The following EPC2 variants were observed in gnomAD, a reference collection of about 807,000 sequenced individuals.
EPC2 encodes enhancer of polycomb 2.
Under a neutral mutation model 92.1 loss-of-function variants are expected in EPC2, and 14 were observed. The observed-to-expected ratio is 0.15, with a 90% confidence interval of 0.10 to 0.24. The LOEUF is 0.24. EPC2 is among the 10% of genes least tolerant of loss of function. The probability of loss-of-function intolerance (pLI) is 1.00; values close to 1 mark genes in which losing one functional copy is unlikely to be tolerated. For missense variants in EPC2, 755 were observed against 971.5 expected, an observed-to-expected ratio of 0.78 and a Z score of 2.96; for synonymous variants, 340 against 334.7, an observed-to-expected ratio of 1.02 and a Z score of -0.17.
intron 1 of EPC2, among the ~76,000 whole-genome samples, chr2:148,666,991 T>C (rs1305450728): frequency 2.0e-5 from 3 of 152,064 alleles, no homozygotes; most frequent in African/African-American, 7.2e-5. Flanking sequence ...GTGCCAACTA[T>C]GTAAATGAAA....
intron 1 of EPC2, among the ~76,000 whole-genome samples, chr2:148,664,075 G>A (rs1427832316): frequency 6.6e-6 from 1 of 152,048 alleles, no homozygotes; most frequent in South Asian, 2.1e-4. Flanking sequence ...CCCCAAAAGA[G>A]GAGTCTCTTA....
chr2:148,772,432 C>A (rs1462386739), intron 10 of EPC2, among the ~76,000 whole-genome samples: 1 of 152,058 alleles, frequency 6.6e-6, no homozygotes, highest in African/African-American at 2.4e-5. Flanking sequence ...ATGATGCATT[C>A]TAGGATGTGA....
chr2:148,736,734 A>G (rs1298843978), intron 2 of EPC2, among the ~76,000 whole-genome samples: 3 of 152,016 alleles, frequency 2.0e-5, no homozygotes, highest in African/African-American at 7.3e-5. Flanking sequence ...GCATTTGCAT[A>G]ATCCCCATGT....
chr2:148,669,383 G>A (rs1681111987), intron 1 of EPC2, among the ~76,000 whole-genome samples: 2 of 152,160 alleles, frequency 1.3e-5, no homozygotes, highest in Admixed American at 6.5e-5. Flanking sequence ...ATGCGGTTAA[G>A]TTACTTGTAA....
chr2:148,645,826 G>C lies in EPC2; in HGVS notation c.153+656G>C, dbSNP rs557527513. ...GGCGCGGGGCGGACGGGCTCTGCCT[G>C]CTCCGCCTGGACGGCCGTGCTCCGT... On this transcript the variant is annotated intron_variant, in intron 1 of 13. Transcript: ENST00000258484. Among the ~76,000 whole-genome samples, 49 of 152,306 alleles carry C rather than the reference G, an allele frequency of 3.2e-4. 1 individual carries two copies. The highest frequency in any genetic ancestry group is 1.1e-3 in the African/African-American group (45 of 41,560).
intron 10 of EPC2, among the ~76,000 whole-genome samples, chr2:148,779,345 A>G (rs1427622112): frequency 1.3e-5 from 2 of 152,106 alleles, no homozygotes; most frequent in African/African-American, 4.8e-5. Flanking sequence ...ACTTTGGGAG[A>G]CTGAGGCAGG....
chr2:148,690,954 C>T (rs1441501706), intron 2 of EPC2, among the ~76,000 whole-genome samples: 10 of 152,160 alleles, frequency 6.6e-5, no homozygotes, highest in Admixed American at 1.3e-4. Flanking sequence ...TGAGCTACCG[C>T]GCCCACCTGA....
chr2:148,648,366 G>T (rs1169349278), intron 1 of EPC2, among the ~76,000 whole-genome samples: 1 of 152,168 alleles, frequency 6.6e-6, no homozygotes, highest in Non-Finnish European at 1.5e-5. Context: ...AAATGGTTCT[G>T]CCTTGATAAA....
Position 148,764,938 on chromosome 2 carries a change from A to T in EPC2, c.949-17A>T. ...TTTTATTTCTTCCTTTTGGGGGAAA[A>T]ATCGTCATGTAAACAGCACCCTCAT... is the stretch of plus-strand genomic sequence containing the variant. On this transcript the variant is annotated splice_polypyrimidine_tract_variant and intron_variant, in intron 6 of 13. Coordinates refer to ENST00000258484, the MANE Select transcript of EPC2 (RefSeq NM_015630.4). 7.0e-7 allele frequency: 1 copy of T among 1,424,046 alleles called. No individual in the cohort carries two copies. The highest frequency in any genetic ancestry group is 9.3e-7 in the Non-Finnish European group (1 of 1,080,806). The allele number at this position is 1,424,046 out of a possible 1,614,324, so 88.2% of individuals were successfully genotyped here.
In EPC2 at chr2:148,655,912, T is replaced by C. The variant is rs776941730; in HGVS notation, c.153+10742T>C. On this transcript the variant is annotated intron_variant, in intron 1 of 13. Coordinates refer to ENST00000258484, the MANE Select transcript of EPC2 (RefSeq NM_015630.4). ...ATAATAGATCCACATGATTTAAATA[T>C]AAAAATTTAACAGCACAAAAGCATA... 1.3e-4 allele frequency among the ~76,000 whole-genome samples: 19 copies of C among 150,670 alleles called. No individual in the cohort carries two copies. In the East Asian group the frequency reaches 1.4e-3, roughly 11 times the overall value.
At chr2:148,783,882 C>A (rs1011779872) in intron 12 of EPC2, 126 bp downstream of exon 12, 1 of 943,038 alleles carries the variant, frequency 1.1e-6, no homozygotes, top group Non-Finnish European at 1.6e-6. Flanking sequence ...TTTAGGATTT[C>A]TTTGGAAAGA....
rs576818119 is a variant in EPC2 at position 148,763,927 on chromosome 2, A to G, written c.949-1028A>G. ...TTGATTCTTATTTTAGACCTCCTCTATGAATAAATACTCAGCCTTCCTAAA... is the reference window on the plus strand; with the variant it reads ...TTGATTCTTATTTTAGACCTCCTCTGTGAATAAATACTCAGCCTTCCTAAA... On this transcript the variant is annotated intron_variant, in intron 6 of 13. Coordinates refer to ENST00000258484, the MANE Select transcript of EPC2 (RefSeq NM_015630.4). 1.2e-4 allele frequency among the ~76,000 whole-genome samples: 19 copies of G among 152,318 alleles called. No homozygotes were observed. In the South Asian group the frequency reaches 2.5e-3, roughly 20 times the overall value.
At chr2:148,649,833 C>G (rs1203643260) in intron 1 of EPC2, among the ~76,000 whole-genome samples, 1 of 152,110 alleles carries the variant, frequency 6.6e-6, no homozygotes, top group Non-Finnish European at 1.5e-5. Flanking sequence ...TAATATTTTA[C>G]TTTTTATAAC....
At chr2:148,703,629 A>G (rs1681932087) in intron 2 of EPC2, among the ~76,000 whole-genome samples, 1 of 152,094 alleles carries the variant, frequency 6.6e-6, no homozygotes, top group Admixed American at 6.5e-5. Flanking sequence ...CCCAGGCTCT[A>G]GCACTTCTCC....
chr2:148,712,939 G>A (rs1682180946), intron 2 of EPC2, among the ~76,000 whole-genome samples: 1 of 151,046 alleles, frequency 6.6e-6, no homozygotes, highest in African/African-American at 2.4e-5. Flanking sequence ...GCTCACACCG[G>A]TAATCACTTT....
chr2:148,694,918 G>A (rs1185247318), intron 2 of EPC2, among the ~76,000 whole-genome samples: 1 of 152,114 alleles, frequency 6.6e-6, no homozygotes, highest in Non-Finnish European at 1.5e-5. Context: ...GATCACGGGT[G>A]CGTGCCACCA....
chr2:148,696,487 C>T (rs907269226), intron 2 of EPC2, among the ~76,000 whole-genome samples: 1 of 152,042 alleles, frequency 6.6e-6, no homozygotes, highest in Non-Finnish European at 1.5e-5. Context: ...AATTAAAGAC[C>T]ATGGTTAAAG....
In EPC2 at chr2:148,715,006, G is replaced by A. The variant is rs897031061; in HGVS notation, c.313+24633G>A. ...CCATGCCTATATCCTGAATGGTATC[G>A]CCTAGATTTTCTTCTAGGGTTTTTT... On this transcript the variant is annotated intron_variant, in intron 2 of 13. Coordinates refer to ENST00000258484, the MANE Select transcript of EPC2 (RefSeq NM_015630.4). 8.1e-5 allele frequency among the ~76,000 whole-genome samples: 12 copies of A among 147,452 alleles called. No homozygotes were observed. The South Asian group carries it at 1.1e-3, about 13-fold the overall frequency.
At chr2:148,754,209 A>G in intron 4 of EPC2, 76 bp downstream of exon 4, 1 of 1,161,774 alleles carries the variant, frequency 8.6e-7, no homozygotes, top group Non-Finnish European at 1.2e-6. Flanking sequence ...TAATAACTTG[A>G]ATAATTTTAA....
Sources: allele counts gnomAD v4.1 joint callset (sites outside exome capture counted in the v4.1 genomes callset), GRCh38; gene constraint gnomAD v4.1.1; transcripts MANE v1.5; gene names NCBI Gene and HGNC (gene_info 2026-07-23, HGNC 2026-07-21).